Variants in NCALD observed in about 807,000 individuals in gnomAD.
The protein encoded by NCALD is neurocalcin delta.
A neutral mutation model predicts 18.6 loss-of-function variants in NCALD; 10 were observed. The observed-to-expected ratio is 0.54, with a 90% CI of 0.33 to 0.91. NCALD has a LOEUF of 0.91. Among genes scored for constraint, NCALD ranks in the 40% least tolerant of loss-of-function variants. NCALD has a pLI of 0.03. For synonymous variants in NCALD, 88 were observed against 87.4 expected (o/e 1.01, Z -0.04); for missense variants, 184 against 247.6 (o/e 0.74, Z 1.72).
At chr8:102,020,361 T>C (rs1822232400) in intron 1 of NCALD, 1 of 152,190 alleles carries the variant, frequency 6.6e-6, no homozygotes, top group African/African-American at 2.4e-5. Flanking sequence ...TAAATACATC[T>C]AATAGATGTA....
chr8:102,043,400 C>T lies in NCALD; in HGVS notation c.-209-23111G>A, dbSNP rs923339865. Among the ~76,000 whole-genome samples the T allele has an allele frequency of 1.2e-4, 18 of 151,738 alleles. 1 individual carries two copies. Among genetic ancestry groups the T allele is most frequent in the African/African-American group, 4.4e-4 (18 of 41,102 alleles). Reference sequence around the variant, plus strand: ...AATTGTTTCCATAGAGTTGACGGCTCTCTTGCCCTTAACACAGCAAGCTTC... The same window carrying T: ...AATTGTTTCCATAGAGTTGACGGCTTTCTTGCCCTTAACACAGCAAGCTTC... On this transcript the variant is annotated intron_variant, in intron 1 of 6. Coordinates refer to the NCALD transcript ENST00000311028.
At position 101,777,304 on chromosome 8, in the gene NCALD, T is replaced by C. The variant is rs543346954; in HGVS notation, c.-20+13558A>G. On this transcript the variant is annotated intron_variant, in intron 1 of 3. Coordinates refer to ENST00000220931, the MANE Select transcript of NCALD (RefSeq NM_032041.3). ...CAGATATGAAATGAGACACCATGTT[T>C]ACATTCAGAAAGCTTGTAGCTTAAT... Among the ~76,000 whole-genome samples the C allele has an allele frequency of 1.5e-3, 232 of 152,314 alleles. 1 individual carries two copies. Among genetic ancestry groups the C allele is most frequent in the African/African-American group, 5.2e-3 (218 of 41,570 alleles).
At chr8:102,076,541 T>C (rs1824354906) in intron 1 of NCALD, among the ~76,000 whole-genome samples, 2 of 152,236 alleles carry the variant, frequency 1.3e-5, no homozygotes, top group African/African-American at 4.8e-5. Flanking sequence ...AAGTCAACTC[T>C]ATTTTCCACA....
intron 1 of NCALD, among the ~76,000 whole-genome samples, chr8:102,064,194 A>G (rs1433269283): frequency 6.6e-6 from 1 of 152,194 alleles, no homozygotes; most frequent in African/African-American, 2.4e-5. Context: ...AATGCTGTTT[A>G]TGCTGTATAT....
intron 2 of NCALD, among the ~76,000 whole-genome samples, chr8:101,965,756 A>C (rs1308111532): frequency 6.6e-6 from 1 of 152,236 alleles, no homozygotes; most frequent in Non-Finnish European, 1.5e-5. Flanking sequence ...CAGAACTTAG[A>C]GTATAATTTT....
rs148120031 is a variant in NCALD, at chr8:102,070,753, T to C, written c.-209-50464A>G. Among the ~76,000 whole-genome samples the C allele has an allele frequency of 7.7e-3, 1,178 of 152,286 alleles. 8 individuals are homozygous for C. The highest frequency in any genetic ancestry group is 0.017 in the Middle Eastern group (5 of 294). On this transcript the variant is annotated intron_variant, in intron 1 of 6. Coordinates refer to the NCALD transcript ENST00000311028. ...CCAATCACTTATTTTCCTCCTACCT[T>C]GGGAGTTATCTTAGCTCATGGGCAG...
intron 3 of NCALD, among the ~76,000 whole-genome samples, chr8:101,893,722 T>C (rs1446634530): frequency 7.5e-6 from 1 of 133,770 alleles, no homozygotes; most frequent in East Asian, 2.0e-4. Flanking sequence ...TCCTAGTCTC[T>C]GATAAAACAG....
intron 3 of NCALD, among the ~76,000 whole-genome samples, chr8:101,897,797 A>G (rs1817261154): frequency 6.6e-6 from 1 of 152,038 alleles, no homozygotes; most frequent in Non-Finnish European, 1.5e-5. Flanking sequence ...TGGTAATTCC[A>G]TTTTTTTGCA....
chr8:101,742,885 C>T (rs879249290), intron 1 of NCALD, among the ~76,000 whole-genome samples: 1 of 152,134 alleles, frequency 6.6e-6, no homozygotes, highest in Admixed American at 6.6e-5. Flanking sequence ...CCTGTGTTCT[C>T]ATTGTTCAGC....
chr8:101,976,609 T>C lies in NCALD; in HGVS notation c.-157+43628A>G, dbSNP rs1402860962. 5.9e-5 allele frequency among the ~76,000 whole-genome samples: 9 copies of C among 152,382 alleles called. No homozygotes were observed. The South Asian group carries it at 1.7e-3, about 28-fold the overall frequency. On this transcript the variant is annotated intron_variant, in intron 2 of 6. Transcript: ENST00000311028. The stretch of plus-strand genomic sequence containing the variant: ...CACATAGATTCTTTTAGATTTTATT[T>C]GAAGCTTTTTTTATGGTTTGCCAAG...
rs1816255685 is a variant in NCALD, at chr8:101,719,599, C to G, written c.31G>C (p.Glu11Gln). Residue 11 changes from glutamate (E) to glutamine (Q), a missense_variant, in exon 2 of 4, where the codon GAG (glutamate) becomes CAG (glutamine). Glu to Gln is a conservative substitution (Grantham distance 29). Coordinates refer to ENST00000220931, the MANE Select transcript of NCALD (RefSeq NM_032041.3). Reference sequence around the variant, plus strand: ...CTTTCCAGCAAGTCCTGCATGACCTCCGGGCGCAGCTTGCTGTTCTGTTTC... The same window carrying G: ...CTTTCCAGCAAGTCCTGCATGACCTGCGGGCGCAGCTTGCTGTTCTGTTTC... Reference protein sequence around the residue: MGKQNSKLRPEVMQDLLESTD... With the variant: MGKQNSKLRPQVMQDLLESTD... 6.3e-7 allele frequency: 1 copy of G among 1,598,436 alleles called. No individual in the cohort carries two copies. Among genetic ancestry groups the G allele is most frequent in the Non-Finnish European group, 8.5e-7 (1 of 1,173,804 alleles).
chr8:101,692,720 T>C, intron 3 of NCALD, 71 bp downstream of exon 3: 4 of 1,496,142 alleles, frequency 2.7e-6, no homozygotes, highest in Non-Finnish European at 2.8e-6. Context: ...GAGTGGCACT[T>C]CCCAGTCTGG....
At chr8:101,773,862 G>A (rs763765075) in intron 1 of NCALD, among the ~76,000 whole-genome samples, 1 of 152,130 alleles carries the variant, frequency 6.6e-6, no homozygotes, top group African/African-American at 2.4e-5. Context: ...TCATGGACAC[G>A]ACTCTGATTA....
intron 1 of NCALD, among the ~76,000 whole-genome samples, chr8:102,075,962 AC>A (rs1563596002): frequency 3.3e-5 from 5 of 151,598 alleles, no homozygotes; most frequent in Non-Finnish European, 7.4e-5. Flanking sequence ...AAAAAAAAAA[AC>A]AAACAAAAAA....
At chr8:101,872,417 C>G (rs993260410) in intron 4 of NCALD, 2 of 1,257,438 alleles carry the variant, frequency 1.6e-6, no homozygotes, top group Non-Finnish European at 2.3e-6. Flanking sequence ...TATGTTGTCA[C>G]CACTGACTGC....
At chr8:101,983,968 C>T (rs1453979761) in intron 2 of NCALD, among the ~76,000 whole-genome samples, 1 of 152,174 alleles carries the variant, frequency 6.6e-6, no homozygotes, top group African/African-American at 2.4e-5. Context: ...TTTCTTTTAA[C>T]CATGCTGACA....
intron 1 of NCALD, among the ~76,000 whole-genome samples, chr8:102,102,344 G>A (rs1470093154): frequency 6.6e-6 from 1 of 152,142 alleles, no homozygotes; most frequent in Non-Finnish European, 1.5e-5. Flanking sequence ...GCGCAGAGAC[G>A]GAGGCAGAAA....
chr8:101,800,664 A>G (rs960986858), intron 4 of NCALD, among the ~76,000 whole-genome samples: 5 of 151,656 alleles, frequency 3.3e-5, no homozygotes, highest in African/African-American at 1.2e-4. Context: ...CAGAAAGGCT[A>G]AAAGTAAAAA....
intron 3 of NCALD, among the ~76,000 whole-genome samples, chr8:101,896,616 C>T (rs1261290857): frequency 3.3e-5 from 5 of 151,932 alleles, no homozygotes; most frequent in East Asian, 1.9e-4. Flanking sequence ...AACCTACTCA[C>T]CTGACAAAGG....
Sources: allele counts gnomAD v4.1 joint callset (sites outside exome capture counted in the v4.1 genomes callset), GRCh38; gene constraint gnomAD v4.1.1; transcripts MANE v1.5; gene names NCBI Gene and HGNC (gene_info 2026-07-23, HGNC 2026-07-21).